GARIN1B: variants seen among roughly 807,000 people sequenced by gnomAD.
GARIN1B encodes the protein Golgi-associated RAB2 interactor protein 1B.
At chr7:128,714,139 G>T in the GARIN1B span, 1 of 1,535,924 alleles carries the variant, frequency 6.5e-7, no homozygotes, top group Non-Finnish European at 8.7e-7. Context: ...GATGGTGAGA[G>T]CCTCCAGGCC....
At chr7:128,722,721 C>T in the GARIN1B span, among the ~76,000 whole-genome samples, 33 of 151,916 alleles carry the variant, frequency 2.2e-4, no homozygotes, top group African/African-American at 7.2e-4. Context: ...GGAGAATCGT[C>T]TGAACCCAGG....
chr7:128,715,651 G>A, the GARIN1B span: 1 of 1,614,158 alleles, frequency 6.2e-7, no homozygotes, highest in Non-Finnish European at 8.5e-7. Flanking sequence ...AATTCAACCT[G>A]TTTCTTGACT....
At chr7:128,721,055 A>T in the GARIN1B span, among the ~76,000 whole-genome samples, 9 of 152,102 alleles carry the variant, frequency 5.9e-5, no homozygotes, top group Admixed American at 1.3e-4. Context: ...CTTTGGGGAG[A>T]AGTGCCATCT....
At chr7:128,718,208 G>A in the GARIN1B span, among the ~76,000 whole-genome samples, 2 of 152,148 alleles carry the variant, frequency 1.3e-5, no homozygotes, top group African/African-American at 4.8e-5. Flanking sequence ...AGAGGCAGGT[G>A]GATCGCCTAA....
the GARIN1B span, among the ~76,000 whole-genome samples, chr7:128,712,817 G>C: frequency 6.6e-6 from 1 of 152,226 alleles, no homozygotes. Context: ...CTACAAGTTT[G>C]TAATTTCTAC....
the GARIN1B span, among the ~76,000 whole-genome samples, chr7:128,712,885 A>T: frequency 6.6e-6 from 1 of 152,220 alleles, no homozygotes; most frequent in Admixed American, 6.5e-5. Flanking sequence ...TTATTGGTAA[A>T]TAATTTTACA....
chr7:128,716,734 C>A, the GARIN1B span: 2 of 1,205,034 alleles, frequency 1.7e-6, no homozygotes, highest in Non-Finnish European at 2.3e-6. Context: ...TTAATAGTGT[C>A]GAGGTTGAGA....
the GARIN1B span, chr7:128,729,759 G>A: frequency 1.2e-6 from 1 of 824,172 alleles, no homozygotes; most frequent in African/African-American, 1.7e-5. Context: ...CCTCACAGAG[G>A]TGAGGATTAA....
At chr7:128,727,808 C>T in the GARIN1B span, among the ~76,000 whole-genome samples, 1 of 152,134 alleles carries the variant, frequency 6.6e-6, no homozygotes, top group African/African-American at 2.4e-5. Flanking sequence ...ACCCTTCACA[C>T]AACACCTTCC....
At chr7:128,727,207 G>A in the GARIN1B span, among the ~76,000 whole-genome samples, 1 of 152,186 alleles carries the variant, frequency 6.6e-6, no homozygotes. Context: ...CGCACTGAGT[G>A]CCAGTTACTG....
the GARIN1B span, among the ~76,000 whole-genome samples, chr7:128,712,460 A>G: frequency 1.3e-5 from 2 of 152,184 alleles, no homozygotes; most frequent in Admixed American, 1.3e-4. Context: ...TGCACCCATT[A>G]AACAATAACT....
the GARIN1B span, among the ~76,000 whole-genome samples, chr7:128,722,421 T>C: frequency 0.019 from 2,928 of 152,310 alleles, 46 homozygotes; most frequent in South Asian, 0.053. Flanking sequence ...GGAGCACTTT[T>C]GAGTATCACA....
At chr7:128,717,764 T>A in the GARIN1B span, among the ~76,000 whole-genome samples, 6 of 151,454 alleles carry the variant, frequency 4.0e-5, no homozygotes, top group African/African-American at 1.2e-4. Flanking sequence ...TTTTGTTTTT[T>A]TTTTTTAATC....
the GARIN1B span, among the ~76,000 whole-genome samples, chr7:128,713,315 A>G: frequency 6.6e-6 from 1 of 152,216 alleles, no homozygotes; most frequent in Non-Finnish European, 1.5e-5. Flanking sequence ...TCAAAAAGAA[A>G]AAAAAGAAAG....
chr7:128,714,977 G>A, the GARIN1B span, among the ~76,000 whole-genome samples: 1 of 152,146 alleles, frequency 6.6e-6, no homozygotes, highest in African/African-American at 2.4e-5. Context: ...GATCCACCAG[G>A]GTGTCGGGGG....
At chr7:128,714,266 A>T in the GARIN1B span, 1 of 927,112 alleles carries the variant, frequency 1.1e-6, no homozygotes, top group Non-Finnish European at 1.7e-6. Context: ...CTTGATGGTT[A>T]ATTCATTATG....
At chr7:128,719,200 A>G in the GARIN1B span, 1 of 916,236 alleles carries the variant, frequency 1.1e-6, no homozygotes, top group South Asian at 1.9e-5. Flanking sequence ...TTTTCTAAAC[A>G]GCTTTATTGA....
At chr7:128,723,261 G>A in the GARIN1B span, 10 of 1,613,250 alleles carry the variant, frequency 6.2e-6, no homozygotes, top group Non-Finnish European at 8.5e-6. Context: ...ATGACCAAGG[G>A]GGAGAGTGAA....
chr7:128,715,838 A>G, the GARIN1B span: 1 of 724,314 alleles, frequency 1.4e-6, no homozygotes. Flanking sequence ...GGCCACCCTC[A>G]CTGACCTGGG....
Sources: gnomAD v4.1 joint callset for allele counts (sites outside exome capture counted in the v4.1 genomes callset) on GRCh38, gnomAD v4.1.1 for gene constraint, MANE v1.5 for transcripts, NCBI Gene and HGNC (gene_info 2026-07-23, HGNC 2026-07-21) for gene names.